Variants in DNAI1 observed in about 807,000 individuals in gnomAD.
The protein encoded by DNAI1 is dynein, axonemal, intermediate polypeptide 1.
DNAI1 carries 67 observed loss-of-function variants against 92.0 expected under a neutral mutation model. That is an observed-to-expected ratio of 0.73 (90% CI 0.60 to 0.89). The LOEUF (loss-of-function observed/expected upper bound fraction) is 0.89, where lower values mean the gene tolerates loss of function less well. Ranked by LOEUF, DNAI1 falls within the 40% of genes least tolerant of loss-of-function variation. The pLI is 0.00. For synonymous variants in DNAI1, 323 were observed against 319.6 expected, an observed-to-expected ratio of 1.01 and a Z score of -0.11; for missense variants, 839 against 866.6, an observed-to-expected ratio of 0.97 and a Z score of 0.40.
chr9:34,514,900 C>G (rs1282575187), intron 18 of DNAI1, among the ~76,000 whole-genome samples, 161 bp downstream of exon 18: 1 of 152,142 alleles, frequency 6.6e-6, no homozygotes, highest in South Asian at 2.1e-4. Flanking sequence ...CAGGGTCCAG[C>G]CAAAAGAGGA....
intron 9 of DNAI1, 88 bp from the exon 10 acceptor site, chr9:34,497,027 G>A: frequency 1.0e-6 from 1 of 1,003,464 alleles, no homozygotes; most frequent in Non-Finnish European, 1.6e-6. Flanking sequence ...AGCTACTGCT[G>A]AATCAATTGC....
rs775975599 is a variant in DNAI1, at chr9:34,490,458, G to A, written c.591G>A (p.Arg197=). The A allele has an allele frequency of 1.2e-6, 2 of 1,614,134 alleles. No individual in the cohort carries two copies. Among genetic ancestry groups the A allele is most frequent in the Admixed American group, 1.7e-5 (1 of 60,018 alleles). ...CTAACCAGTTCAACTTCAGTGAGAG[G>A]GCCTCACAGACCTACAACAACCCTG... ...KLTNQFNFSE[R]ASQTYNNPVR... The change falls in exon 7 of 20, where the codon AGG becomes AGA. Residue 197 remains arginine, a synonymous_variant. Coordinates refer to ENST00000242317, the MANE Select transcript of DNAI1 (RefSeq NM_012144.4).
At chr9:34,505,643 G>A (rs1824911938) in intron 12 of DNAI1, among the ~76,000 whole-genome samples, 1 of 152,210 alleles carries the variant, frequency 6.6e-6, no homozygotes, top group South Asian at 2.1e-4. Context: ...CCAGTCCTGG[G>A]CTAGACTCAT....
intron 1 of DNAI1, among the ~76,000 whole-genome samples, chr9:34,462,445 T>G (rs957282282): frequency 6.6e-6 from 1 of 152,176 alleles, no homozygotes; most frequent in African/African-American, 2.4e-5. Context: ...TAGGGTGATA[T>G]CCCCTCTAGA....
At chr9:34,506,549 G>GT in intron 12 of DNAI1, 78 bp from the exon 13 acceptor site, 1 of 1,603,278 alleles carries the variant, frequency 6.2e-7, no homozygotes, top group Non-Finnish European at 8.5e-7. Flanking sequence ...TGCCCACCTA[G>GT]TGGGGTAGGG....
At chr9:34,507,684 C>T (rs16931570) in intron 13 of DNAI1, among the ~76,000 whole-genome samples, 3,007 of 152,260 alleles carry the variant, frequency 0.02, 53 homozygotes, top group Non-Finnish European at 0.027. Flanking sequence ...TCCTCAACTC[C>T]GCACGGGGCC....
At chr9:34,512,261 AG>A in intron 14 of DNAI1, 63 bp downstream of exon 14, 1 of 1,610,710 alleles carries the variant, frequency 6.2e-7, no homozygotes, top group Non-Finnish European at 8.5e-7. Context: ...TAAATGGCAA[AG>A]GGCAACCCCC....
Position 34,493,196 on chromosome 9 carries a change from G to T in DNAI1, c.684G>T (p.Trp228Cys). The T allele has an allele frequency of 1.2e-6, 2 of 1,614,180 alleles. No individual in the cohort carries two copies. Among genetic ancestry groups the T allele is most frequent in the Non-Finnish European group, 1.7e-6 (2 of 1,180,024 alleles). Residue 228 changes from tryptophan (W) to cysteine (C), a missense_variant and splice_region_variant, in exon 9 of 20, where the codon TGG becomes TGT. Trp to Cys is a radical substitution (Grantham distance 215). Coordinates refer to ENST00000242317, the MANE Select transcript of DNAI1 (RefSeq NM_012144.4). ...CTTCTTATCTCACCCTTGCCTAGTG[G>T]GAGATCTATGATGCCTATGTAGAGG... ...RTNFSATANQ[W>C]EIYDAYVEEL...
At chr9:34,504,400 C>G (rs1824886013) in intron 12 of DNAI1, among the ~76,000 whole-genome samples, 1 of 152,218 alleles carries the variant, frequency 6.6e-6, no homozygotes, top group African/African-American at 2.4e-5. Flanking sequence ...CATTCATCCT[C>G]CACACACAAA....
At chr9:34,506,551 G>A in intron 12 of DNAI1, 76 bp from the exon 13 acceptor site, 10 of 1,603,794 alleles carry the variant, frequency 6.2e-6, no homozygotes, top group Non-Finnish European at 8.5e-6. Context: ...CCCACCTAGT[G>A]GGGTAGGGGT....
chr9:34,475,967 A>G (rs927104990), intron 1 of DNAI1, among the ~76,000 whole-genome samples: 8 of 152,244 alleles, frequency 5.3e-5, no homozygotes, highest in Non-Finnish European at 8.8e-5. Context: ...GTCTAAATGC[A>G]GGTAAATGAC....
intron 13 of DNAI1, among the ~76,000 whole-genome samples, chr9:34,510,171 G>A (rs1825037510): frequency 6.6e-6 from 1 of 152,252 alleles, no homozygotes; most frequent in Admixed American, 6.5e-5. Flanking sequence ...GGCAGAAGGA[G>A]TTTGTTCTGT....
intron 1 of DNAI1, 103 bp from the exon 2 acceptor site, chr9:34,483,345 T>C: frequency 8.5e-7 from 1 of 1,182,202 alleles, no homozygotes; most frequent in East Asian, 2.5e-5. Flanking sequence ...CCTCTCACTT[T>C]GACTGTGAGA....
chr9:34,500,900 C>G (rs1824819056), intron 11 of DNAI1, 61 bp downstream of exon 11: 1 of 1,325,228 alleles, frequency 7.5e-7, no homozygotes, highest in African/African-American at 1.5e-5. Flanking sequence ...CCCAAACCCC[C>G]AGTACCCCCT....
chr9:34,479,329 T>C (rs1193838853), intron 1 of DNAI1, among the ~76,000 whole-genome samples: 1 of 152,308 alleles, frequency 6.6e-6, no homozygotes, highest in South Asian at 2.1e-4. Context: ...AATTCAGGCT[T>C]GTCTGTCTCA....
rs750713164 is a variant in DNAI1, at chr9:34,490,490, T to C, written c.621+2T>C. ...CAGACCTACAACAACCCTGTCCGGG[T>C]AGAGCAGCCCCCACCCTAGCCCCTT... On this transcript the variant is annotated splice_donor_variant, in intron 7 of 19. Transcript: ENST00000242317. LOFTEE classifies it high-confidence loss of function. 1 of 1,613,902 alleles carries C rather than the reference T, an allele frequency of 6.2e-7. No homozygotes were observed. The highest frequency in any genetic ancestry group is 8.5e-7 in the Non-Finnish European group (1 of 1,180,006).
chr9:34,497,303 G>A (rs1176519207), intron 10 of DNAI1, 104 bp downstream of exon 10: 1 of 872,318 alleles, frequency 1.1e-6, no homozygotes, highest in Non-Finnish European at 1.9e-6. Flanking sequence ...ATAGGTGCAA[G>A]CGGAGAAAAA....
rs569694356 is a variant in DNAI1 at position 34,514,057 on chromosome 9, A to T, written c.1570-337A>T. On this transcript the variant is annotated intron_variant, in intron 16 of 19. Coordinates refer to ENST00000242317, the MANE Select transcript of DNAI1 (RefSeq NM_012144.4). ...CTGGCCTGGAAGATGGCCAGACCACACCTCACTCAGGGCCTGAGACCTGCT... is the reference window on the plus strand; with the variant it reads ...CTGGCCTGGAAGATGGCCAGACCACTCCTCACTCAGGGCCTGAGACCTGCT... Among the ~76,000 whole-genome samples, 19 of 152,224 alleles carry T rather than the reference A, an allele frequency of 1.2e-4. No homozygotes were observed. The South Asian group carries it at 3.5e-3, about 28-fold the overall frequency.
Position 34,496,053 on chromosome 9 carries a change from G to A in DNAI1, c.817-1062G>A, listed in dbSNP as rs150386707. Among the ~76,000 whole-genome samples the A allele has an allele frequency of 3.5e-4, 53 of 152,196 alleles. No individual in the cohort carries two copies. The East Asian group carries it at 9.8e-3, about 28-fold the overall frequency. ...TGTTTCCTCTGACACCATCACCACC[G>A]GGAACTGGGTTAGACACTAACATGT... On this transcript the variant is annotated intron_variant, in intron 9 of 19. Coordinates refer to ENST00000242317, the MANE Select transcript of DNAI1 (RefSeq NM_012144.4).
Sources: gnomAD v4.1 joint callset for allele counts (sites outside exome capture counted in the v4.1 genomes callset) on GRCh38, gnomAD v4.1.1 for gene constraint, MANE v1.5 for transcripts, NCBI Gene and HGNC (gene_info 2026-07-23, HGNC 2026-07-21) for gene names.